TSHR: variants seen among roughly 807,000 people sequenced by gnomAD.
The protein encoded by TSHR is thyrotropin receptor.
TSHR carries 51 observed loss-of-function variants against 64.1 expected under a neutral mutation model. The ratio of observed to expected loss-of-function variants is 0.80; its 90% confidence interval spans 0.64 to 1.01. The LOEUF is 1.01. TSHR is among the 50% of genes least tolerant of loss of function. The pLI, the probability that TSHR is intolerant of heterozygous loss-of-function variation, is 0.00. For missense variants in TSHR, 877 were observed against 942.8 expected (o/e 0.93, Z 0.91); for synonymous variants, 361 against 361.9 (o/e 1.00, Z 0.03).
In TSHR at chr14:81,144,759, A is replaced by C; in HGVS notation, c.*406A>C. ...GAAAATGCTATTAATTTGGTTGGTG[A>C]CCACAAGATAAAATCAGTCCCACGT... On this transcript the variant is annotated 3_prime_UTR_variant, in exon 10 of 10. Coordinates refer to ENST00000298171, the MANE Select transcript of TSHR (RefSeq NM_000369.5). 1 of 264,678 alleles carries C rather than the reference A, an allele frequency of 3.8e-6. No individual in the cohort carries two copies. The highest frequency in any genetic ancestry group is 7.3e-6 in the Non-Finnish European group (1 of 137,486). 16.4% of individuals were successfully genotyped at this position (264,678 alleles called of 1,614,324 possible).
intron 8 of TSHR, among the ~76,000 whole-genome samples, chr14:81,119,725 C>A (rs1171337288): frequency 2.4e-5 from 3 of 126,280 alleles, no homozygotes; most frequent in Non-Finnish European, 4.8e-5. Context: ...AAGACACGTG[C>A]ACACGTATGT....
intron 3 of TSHR, among the ~76,000 whole-genome samples, chr14:81,070,804 A>C (rs952023434): frequency 6.6e-6 from 1 of 152,098 alleles, no homozygotes; most frequent in African/African-American, 2.4e-5. Context: ...AGATTATTTA[A>C]AATTAGAAAA....
intron 1 of TSHR, chr14:80,991,425 TAGAG>T (rs376188197): frequency 3.5e-4 from 137 of 388,940 alleles, no homozygotes; most frequent in East Asian, 6.9e-4. Context: ...AAAGAGGAAA[TAGAG>T]AGACAAATTT....
intron 1 of TSHR, chr14:81,051,833 C>T (rs1885449163): frequency 6.6e-6 from 1 of 152,086 alleles, no homozygotes; most frequent in Admixed American, 6.6e-5. Context: ...ATTTATATGT[C>T]TTCTTCTGAG....
intron 3 of TSHR, among the ~76,000 whole-genome samples, chr14:81,072,428 T>A (rs1887139919): frequency 6.6e-6 from 1 of 152,084 alleles, no homozygotes; most frequent in Admixed American, 6.5e-5. Flanking sequence ...CTTTAATAAA[T>A]CATAAATAAA....
rs145349388 is a variant in TSHR at position 81,017,892 on chromosome 14, T to C, written c.171-44256T>C. Among the ~76,000 whole-genome samples, 562 of 149,670 alleles carry C rather than the reference T, an allele frequency of 3.8e-3. 8 individuals are homozygous for C. Among genetic ancestry groups the C allele is most frequent in the African/African-American group, 0.014 (546 of 40,038 alleles). On this transcript the variant is annotated intron_variant, in intron 1 of 9. Transcript: ENST00000298171. ...TCGCCCAGGCTGGAGTACAATGACA[T>C]GATCTCGGCTCATTGCAAGCTCCGC...
intron 1 of TSHR, among the ~76,000 whole-genome samples, chr14:81,031,272 G>T (rs987815173): frequency 4.6e-5 from 7 of 152,168 alleles, no homozygotes; most frequent in Admixed American, 1.3e-4. Context: ...TATACTTTGT[G>T]ATCCTACAGT....
At chr14:81,061,834 C>T (rs1886266778) in intron 1 of TSHR, among the ~76,000 whole-genome samples, 1 of 151,892 alleles carries the variant, frequency 6.6e-6, no homozygotes, top group Non-Finnish European at 1.5e-5. Context: ...TAAAAAGACC[C>T]CCCAAAAAAT....
At chr14:81,141,586 T>C (rs2300542) in intron 9 of TSHR, among the ~76,000 whole-genome samples, 48,658 of 152,076 alleles carry the variant, frequency 0.32, 8,128 homozygotes, top group African/African-American at 0.42. Flanking sequence ...TCTTGTATTT[T>C]GCTTACTGTC....
chr14:81,070,117 G>A (rs1278531915), intron 3 of TSHR, among the ~76,000 whole-genome samples: 1 of 151,816 alleles, frequency 6.6e-6, no homozygotes, highest in African/African-American at 2.4e-5. Context: ...GAAATATATA[G>A]CACAATAAAA....
intron 1 of TSHR, among the ~76,000 whole-genome samples, chr14:80,988,881 C>T (rs560260860): frequency 3.3e-5 from 5 of 152,270 alleles, no homozygotes; most frequent in Non-Finnish European, 7.4e-5. Context: ...TCCCCTTGAT[C>T]TTCTTTTCTG....
chr14:81,109,100 A>C, intron 8 of TSHR: 1 of 725,628 alleles, frequency 1.4e-6, no homozygotes, highest in South Asian at 3.0e-5. Flanking sequence ...TTGAGCATCC[A>C]CTCTAGTCCT....
At position 81,096,622 on chromosome 14, in the gene TSHR, C is replaced by T. The variant is rs2139998936; in HGVS notation, c.546-17C>T. 1.2e-6 allele frequency: 2 copies of T among 1,612,858 alleles called. No homozygotes were observed. The highest frequency in any genetic ancestry group is 4.5e-5 in the East Asian group (2 of 44,842). On this transcript the variant is annotated splice_polypyrimidine_tract_variant and intron_variant, in intron 6 of 9. Transcript: ENST00000298171. Reference sequence around the variant, plus strand: ...TTCTCACCAGTCACTGATTTCTCTTCTCTCTGTTGGTTGTAGGAAGCTGTA... The same window carrying T: ...TTCTCACCAGTCACTGATTTCTCTTTTCTCTGTTGGTTGTAGGAAGCTGTA...
At chr14:81,104,078 T>C in intron 7 of TSHR, 1 of 985,392 alleles carries the variant, frequency 1.0e-6, no homozygotes, top group Non-Finnish European at 1.2e-6. Flanking sequence ...TATCATGGGG[T>C]AAGTATTTGA....
intron 1 of TSHR, among the ~76,000 whole-genome samples, chr14:81,043,185 A>G (rs956850101): frequency 6.6e-5 from 10 of 152,196 alleles, no homozygotes; most frequent in African/African-American, 2.2e-4. Context: ...TATCTAGAAA[A>G]CCCCATAGTT....
chr14:80,973,798 C>G (rs1269783301), intron 1 of TSHR, among the ~76,000 whole-genome samples: 1 of 152,040 alleles, frequency 6.6e-6, no homozygotes, highest in Non-Finnish European at 1.5e-5. Context: ...AACCAATGTG[C>G]CAAGGAAGAA....
At chr14:81,005,676 G>A (rs1444726072) in intron 1 of TSHR, among the ~76,000 whole-genome samples, 2 of 152,128 alleles carry the variant, frequency 1.3e-5, no homozygotes, top group Non-Finnish European at 2.9e-5. Context: ...ATTCTAATTA[G>A]GAAAGCAGAC....
intron 9 of TSHR, among the ~76,000 whole-genome samples, chr14:81,142,674 T>C (rs1029117491): frequency 6.7e-6 from 1 of 149,206 alleles, no homozygotes; most frequent in Non-Finnish European, 1.5e-5. Flanking sequence ...AGTGGCCTGA[T>C]CTCGCCTCAC....
chr14:81,007,844 AG>A (rs1889681709), intron 1 of TSHR, among the ~76,000 whole-genome samples: 1 of 152,222 alleles, frequency 6.6e-6, no homozygotes, highest in Admixed American at 6.5e-5. Context: ...GTGAGAGAGC[AG>A]GATCACTTAG....
Sources: gnomAD v4.1 joint callset for allele counts (sites outside exome capture counted in the v4.1 genomes callset) on GRCh38, gnomAD v4.1.1 for gene constraint, MANE v1.5 for transcripts, NCBI Gene and HGNC (gene_info 2026-07-23, HGNC 2026-07-21) for gene names.